Variants in OCLN observed in about 807,000 individuals in gnomAD.
The protein encoded by OCLN is occludin, also known as phosphatase 1, regulatory subunit 115.
In OCLN, 21 loss-of-function variants were observed where a neutral mutation model predicts 47.9. The ratio of observed to expected loss-of-function variants is 0.44; its 90% confidence interval spans 0.31 to 0.63. The LOEUF (loss-of-function observed/expected upper bound fraction) is 0.63, where lower values mean the gene tolerates loss of function less well. OCLN is among the 30% of genes least tolerant of loss of function. OCLN has a pLI of 0.08. For missense variants in OCLN, 360 were observed against 571.0 expected, an observed-to-expected ratio of 0.63 and a Z score of 3.77; for synonymous variants, 117 against 198.4, an observed-to-expected ratio of 0.59 and a Z score of 3.45.
intron 2 of OCLN, among the ~76,000 whole-genome samples, chr5:69,508,826 T>C (rs116415601): frequency 1.7e-4 from 26 of 152,330 alleles, no homozygotes; most frequent in African/African-American, 5.5e-4. Flanking sequence ...TATAAAAATA[T>C]GTGATCCAGA....
At position 69,493,734 on chromosome 5, in the gene OCLN, G is replaced by A. The variant is rs1252028580; in HGVS notation, c.-69+834G>A. Among the ~76,000 whole-genome samples the A allele has an allele frequency of 6.6e-6, 1 of 152,184 alleles. No individual in the cohort carries two copies. Among genetic ancestry groups the A allele is most frequent in the Non-Finnish European group, 1.5e-5 (1 of 68,020 alleles). On this transcript the variant is annotated intron_variant, in intron 1 of 8. Transcript: ENST00000396442. This position sits in a 1 kb window ranked among gnomAD's most constrained non-coding sequence, Gnocchi z 5.3. ...GAAGCCGGGACCCGCGCCCAGCCGG[G>A]CCACGGAGTTTGGGGACCTCCGGGA...
At chr5:69,550,376 G>C (rs1769833346) in intron 7 of OCLN, among the ~76,000 whole-genome samples, 1 of 148,748 alleles carries the variant, frequency 6.7e-6, no homozygotes, top group South Asian at 2.2e-4. Flanking sequence ...ATTTTTAGTA[G>C]AGACGGGGTT....
At chr5:69,502,455 C>T (rs1447624696) in intron 1 of OCLN, 1 of 152,166 alleles carries the variant, frequency 6.6e-6, no homozygotes, top group African/African-American at 2.4e-5. Context: ...ATCCATGGTC[C>T]AATCTGGTTC....
intron 2 of OCLN, among the ~76,000 whole-genome samples, chr5:69,505,791 G>C (rs1390820235): frequency 6.6e-6 from 1 of 152,158 alleles, no homozygotes; most frequent in Non-Finnish European, 1.5e-5. Flanking sequence ...AAAACAAACA[G>C]TTTCTCCTGC....
intron 4 of OCLN, among the ~76,000 whole-genome samples, chr5:69,520,685 T>C (rs1405198290): frequency 6.6e-6 from 1 of 152,132 alleles, no homozygotes; most frequent in Non-Finnish European, 1.5e-5. Context: ...TTTTTACTTT[T>C]GTTATTATTT....
At chr5:69,501,711 C>G (rs1768463490) in intron 1 of OCLN, among the ~76,000 whole-genome samples, 2 of 151,890 alleles carry the variant, frequency 1.3e-5, no homozygotes, top group African/African-American at 2.4e-5. Context: ...GCACTTTTCT[C>G]TATGGTATAC....
intron 3 of OCLN, among the ~76,000 whole-genome samples, chr5:69,512,495 A>G (rs986312081): frequency 3.9e-5 from 6 of 152,192 alleles, no homozygotes; most frequent in Admixed American, 2.6e-4. Context: ...GAGTTCTCCA[A>G]CTTTGTTCTT....
intron 1 of OCLN, among the ~76,000 whole-genome samples, chr5:69,496,139 C>T (rs940473846): frequency 1.3e-5 from 2 of 150,428 alleles, no homozygotes; most frequent in South Asian, 4.2e-4. Flanking sequence ...CTCGCTGTCT[C>T]CCAGGCTGGA....
Position 69,503,175 on chromosome 5 carries a change from G to A in OCLN, c.-68-1002G>A, listed in dbSNP as rs115650605. On this transcript the variant is annotated intron_variant, in intron 1 of 8. Coordinates refer to ENST00000396442, the MANE Select transcript of OCLN (RefSeq NM_001205254.2). ...TTCCTATCTTCTGTCTCCTAAGCTA[G>A]TCCTTCATTGTTGCCTCACACCTAG... is the stretch of plus-strand genomic sequence containing the variant. 8.2e-3 allele frequency among the ~76,000 whole-genome samples: 1,249 copies of A among 152,226 alleles called. 11 individuals carry two copies. The highest frequency in any genetic ancestry group is 0.028 in the African/African-American group (1,173 of 41,540).
chr5:69,511,168 G>A lies in OCLN; in HGVS notation c.729+1349G>A, dbSNP rs182494545. ...TTGCTCACTGTGAGCTACGCCTCCT[G>A]GGTTCACACCATTCTCCTGCCTCAG... On this transcript the variant is annotated intron_variant, in intron 3 of 8. Coordinates refer to ENST00000396442, the MANE Select transcript of OCLN (RefSeq NM_001205254.2). Among the ~76,000 whole-genome samples, 7 of 151,902 alleles carry A rather than the reference G, an allele frequency of 4.6e-5. No homozygotes were observed. In the East Asian group the frequency reaches 1.4e-3, roughly 29 times the overall value.
At chr5:69,501,064 G>T (rs922535478) in intron 1 of OCLN, among the ~76,000 whole-genome samples, 2 of 151,942 alleles carry the variant, frequency 1.3e-5, no homozygotes, top group African/African-American at 4.8e-5. Flanking sequence ...TTACAGGCAC[G>T]TGCCACCATG....
chr5:69,502,827 G>A (rs1580546508), intron 1 of OCLN, among the ~76,000 whole-genome samples: 3 of 152,124 alleles, frequency 2.0e-5, no homozygotes, highest in South Asian at 2.1e-4. Context: ...ACCTACGGAC[G>A]TAGGCAGATG....
rs1031120019 is a variant in OCLN, at chr5:69,493,900, G to T, written c.-69+1000G>T. On this transcript the variant is annotated intron_variant, in intron 1 of 8. Transcript: ENST00000396442. The surrounding 1 kb of genome is among the most constrained non-coding windows in gnomAD (Gnocchi z 5.3). ...CTCGCGCTCCTCGGGAAGCCACCGGGCCCGAGGGAAAAGCCGCGGCATCCT... is the reference window on the plus strand; with the variant it reads ...CTCGCGCTCCTCGGGAAGCCACCGGTCCCGAGGGAAAAGCCGCGGCATCCT... Among the ~76,000 whole-genome samples the T allele has an allele frequency of 6.6e-6, 1 of 152,198 alleles. No homozygotes were observed. Among genetic ancestry groups the T allele is most frequent in the African/African-American group, 2.4e-5 (1 of 41,466 alleles).
At position 69,522,894 on chromosome 5, in the gene OCLN, C is replaced by CTTTTTTTTTT. The variant is rs60505522; in HGVS notation, c.891+8788_891+8797dup. 4.3e-5 allele frequency among the ~76,000 whole-genome samples: 5 copies of CTTTTTTTTTT among 116,884 alleles called. 1 individual carries two copies. The highest frequency in any genetic ancestry group is 3.3e-5 in the Non-Finnish European group (2 of 60,106). 76.7% of individuals were successfully genotyped at this position (116,884 alleles called of 152,430 possible). ...GACATGTGCCGCTATGCCTGGCTGACTTTTTTTTTTTTAAAGTAGAGACAG... is the reference window on the plus strand; with the variant it reads ...GACATGTGCCGCTATGCCTGGCTGACTTTTTTTTTTTTTTTTTTTTTTAAAGTAGAGACAG... On this transcript the variant is annotated intron_variant, in intron 4 of 8. Transcript: ENST00000396442.
intron 1 of OCLN, among the ~76,000 whole-genome samples, chr5:69,501,097 A>G (rs568198110): frequency 1.3e-5 from 2 of 152,008 alleles, no homozygotes; most frequent in South Asian, 2.1e-4. Context: ...TTGTATTTTT[A>G]GTAGAGACGG....
In OCLN at chr5:69,509,771, C is replaced by G; in HGVS notation, c.681C>G (p.Leu227=). Residue 227 remains leucine, a synonymous_variant, in exon 3 of 9, where the codon CTC becomes CTG. Transcript: ENST00000396442. ...TTTATACACCTGCAGCTACTGGACT[C>G]TACGTGGATCAGTATTTGTATCACT... ...NQFYTPAATG[L]YVDQYLYHYC... The G allele has an allele frequency of 1.9e-6, 3 of 1,614,100 alleles. No homozygotes were observed. The highest frequency in any genetic ancestry group is 2.5e-6 in the Non-Finnish European group (3 of 1,180,008).
Position 69,498,833 on chromosome 5 carries a change from C to A in OCLN, c.-68-5344C>A, listed in dbSNP as rs530532832. Among the ~76,000 whole-genome samples the A allele has an allele frequency of 5.9e-5, 9 of 152,124 alleles. No homozygotes were observed. The South Asian group carries it at 1.7e-3, about 28-fold the overall frequency. On this transcript the variant is annotated intron_variant, in intron 1 of 8. Coordinates refer to ENST00000396442, the MANE Select transcript of OCLN (RefSeq NM_001205254.2). ...TAGCTGGGATTACAGGCACCCGGCA[C>A]AATCCCAGTTAATTTTTGTATTTTT...
chr5:69,550,728 ATTTC>A lies in OCLN; in HGVS notation c.1426-812_1426-809del, dbSNP rs1219945300. On this transcript the variant is annotated intron_variant, in intron 7 of 8. Coordinates refer to ENST00000396442, the MANE Select transcript of OCLN (RefSeq NM_001205254.2). ...CATCTTTATATAGTTAGATTTATGT[ATTTC>A]TTTTATGGTTTCTATAGGGTGTTAT... 4.4e-4 allele frequency among the ~76,000 whole-genome samples: 31 copies of A among 70,658 alleles called. No individual in the cohort carries two copies. In the Admixed American group the frequency reaches 5.5e-3, roughly 12 times the overall value. 46.4% of individuals were successfully genotyped at this position (70,658 alleles called of 152,430 possible).
chr5:69,535,881 T>G (rs1292516658), intron 5 of OCLN, among the ~76,000 whole-genome samples: 1 of 152,144 alleles, frequency 6.6e-6, no homozygotes. Context: ...TCCCAGCACT[T>G]TGGGAGGCCG....
Sources: allele counts gnomAD v4.1 joint callset (sites outside exome capture counted in the v4.1 genomes callset), GRCh38; gene constraint gnomAD v4.1.1; non-coding constraint Gnocchi (gnomAD v3.1); transcripts MANE v1.5; gene names NCBI Gene and HGNC (gene_info 2026-07-23, HGNC 2026-07-21).